SNAP91: variants seen among roughly 807,000 people sequenced by gnomAD.
SNAP91 encodes the protein clathrin coat assembly protein AP180.
SNAP91 carries 27 observed loss-of-function variants against 100.3 expected under a neutral mutation model. That is an observed-to-expected ratio of 0.27 (90% CI 0.20 to 0.37). SNAP91 has a LOEUF of 0.37. Among genes scored for constraint, SNAP91 ranks in the 10% least tolerant of loss-of-function variants. The probability of loss-of-function intolerance (pLI) is 1.00; values close to 1 mark genes in which losing one functional copy is unlikely to be tolerated. For synonymous variants in SNAP91, 404 were observed against 398.6 expected, an observed-to-expected ratio of 1.01 and a Z score of -0.16; for missense variants, 986 against 1,123.7, an observed-to-expected ratio of 0.88 and a Z score of 1.75.
chr6:83,559,161 A>G (rs1024849673), intron 28 of SNAP91, among the ~76,000 whole-genome samples: 7 of 152,190 alleles, frequency 4.6e-5, no homozygotes, highest in Non-Finnish European at 8.8e-5. Context: ...AAGGTGACTC[A>G]GAGTGGAGGC....
At chr6:83,587,325 C>T (rs1010014479) in intron 22 of SNAP91, among the ~76,000 whole-genome samples, 1 of 152,086 alleles carries the variant, frequency 6.6e-6, no homozygotes, top group Admixed American at 6.6e-5. Context: ...TTTGAACAGT[C>T]TAAACCTCCC....
rs57893971 is a variant in SNAP91 at position 83,628,222 on chromosome 6, C to CATATATATATATATATAT, written c.766-4898_766-4881dup. 8.0e-3 allele frequency among the ~76,000 whole-genome samples: 990 copies of CATATATATATATATATAT among 124,524 alleles called. 22 individuals are homozygous for CATATATATATATATATAT. The highest frequency in any genetic ancestry group is 0.019 in the African/African-American group (637 of 33,438). 81.7% of individuals were successfully genotyped at this position (124,524 alleles called of 152,430 possible). On this transcript the variant is annotated intron_variant, in intron 8 of 29. Coordinates refer to ENST00000369694, the MANE Select transcript of SNAP91 (RefSeq NM_001242792.2). Reference sequence around the variant, plus strand: ...TATAGCTAAGTAATATTCCATTTTACATATATATATATATATATATATATC... The same window carrying CATATATATATATATATAT: ...TATAGCTAAGTAATATTCCATTTTACATATATATATATATATATATATATATATATATATATATATATC...
intron 2 of SNAP91, among the ~76,000 whole-genome samples, chr6:83,680,814 C>T (rs918994985): frequency 3.9e-5 from 6 of 152,122 alleles, no homozygotes; most frequent in African/African-American, 7.2e-5. Context: ...CAATCAAAAG[C>T]ATGTCCAGAC....
intron 22 of SNAP91, among the ~76,000 whole-genome samples, chr6:83,584,982 T>C (rs770223610): frequency 2.3e-4 from 35 of 152,156 alleles, no homozygotes; most frequent in African/African-American, 2.4e-5. Flanking sequence ...ATGAAGTAAG[T>C]GCCCTCACAA....
At chr6:83,668,615 G>A (rs1236046201) in intron 2 of SNAP91, among the ~76,000 whole-genome samples, 1 of 152,076 alleles carries the variant, frequency 6.6e-6, no homozygotes, top group Non-Finnish European at 1.5e-5. Flanking sequence ...TCACTCATAG[G>A]TGGGAATTGA....
chr6:83,569,771 A>G (rs942126109), intron 26 of SNAP91, among the ~76,000 whole-genome samples: 4 of 152,040 alleles, frequency 2.6e-5, no homozygotes, highest in African/African-American at 9.7e-5. Context: ...ATGAGATCTG[A>G]TGGTTTTATA....
At chr6:83,559,941 C>A (rs115562514) in intron 28 of SNAP91, among the ~76,000 whole-genome samples, 163 bp downstream of exon 28, 2 of 152,132 alleles carry the variant, frequency 1.3e-5, no homozygotes, top group African/African-American at 2.4e-5. Context: ...TTTTTCCCCC[C>A]CAAATCTCAC....
At chr6:83,556,753 T>C (rs1307999932) in intron 28 of SNAP91, among the ~76,000 whole-genome samples, 2 of 152,254 alleles carry the variant, frequency 1.3e-5, no homozygotes, top group Non-Finnish European at 2.9e-5. Flanking sequence ...TCTATTTAAA[T>C]GGCTTTTCCT....
rs768200195 is a variant in SNAP91 at position 83,594,426 on chromosome 6, T to TGCC, written c.1379_1380insGGC (p.Ala460dup). 3 of 1,552,778 alleles carry TGCC rather than the reference T, an allele frequency of 1.9e-6. No individual in the cohort carries two copies. The Admixed American group carries it at 5.9e-5, about 30-fold the overall frequency. ...CTGCTACAGGGGTTGGGGTAGCTGG[T>TGCC]GCGGCGGCCCCTTCGGATGCTGCAG... On this transcript the variant is annotated inframe_insertion, in exon 17 of 30. Coordinates refer to ENST00000369694, the MANE Select transcript of SNAP91 (RefSeq NM_001242792.2).
intron 16 of SNAP91, among the ~76,000 whole-genome samples, chr6:83,595,684 T>A (rs949221065): frequency 6.6e-6 from 1 of 152,170 alleles, no homozygotes; most frequent in Non-Finnish European, 1.5e-5. Flanking sequence ...TATCTACTCA[T>A]GTTTCCTGGA....
At chr6:83,699,451 T>C (rs1414164270) in intron 2 of SNAP91, among the ~76,000 whole-genome samples, 2 of 151,834 alleles carry the variant, frequency 1.3e-5, no homozygotes, top group African/African-American at 2.4e-5. Context: ...AAACAGAGAA[T>C]TAATGAACTA....
At chr6:83,700,038 C>A (rs1562734585) in intron 2 of SNAP91, among the ~76,000 whole-genome samples, 1 of 152,066 alleles carries the variant, frequency 6.6e-6, no homozygotes, top group Non-Finnish European at 1.5e-5. Flanking sequence ...CTGCCTTCAT[C>A]AAATAATAAT....
chr6:83,677,693 G>C (rs1733091380), intron 2 of SNAP91, among the ~76,000 whole-genome samples: 1 of 152,106 alleles, frequency 6.6e-6, no homozygotes, highest in South Asian at 2.1e-4. Context: ...TTTTCTGTGA[G>C]GTAGAAATAA....
intron 23 of SNAP91, among the ~76,000 whole-genome samples, chr6:83,581,026 A>G (rs1179376254): frequency 6.6e-6 from 1 of 152,256 alleles, no homozygotes; most frequent in African/African-American, 2.4e-5. Flanking sequence ...TGCTTGCTTT[A>G]TACAGGCATT....
intron 22 of SNAP91, among the ~76,000 whole-genome samples, chr6:83,587,448 T>A (rs2092896639): frequency 6.6e-6 from 1 of 152,178 alleles, no homozygotes; most frequent in Non-Finnish European, 1.5e-5. Flanking sequence ...TCTCTTTGAT[T>A]CTGATCATAT....
At chr6:83,676,073 T>C (rs992426340) in intron 2 of SNAP91, among the ~76,000 whole-genome samples, 24 of 150,216 alleles carry the variant, frequency 1.6e-4, no homozygotes, top group Non-Finnish European at 2.8e-4. Flanking sequence ...ATTGCCTCAC[T>C]GCACTCCAAC....
At chr6:83,604,870 G>T (rs528472630) in intron 14 of SNAP91, among the ~76,000 whole-genome samples, 10 of 152,036 alleles carry the variant, frequency 6.6e-5, no homozygotes, top group African/African-American at 2.4e-4. Flanking sequence ...TTATCATCTT[G>T]CTGGTTTCCT....
intron 28 of SNAP91, among the ~76,000 whole-genome samples, 170 bp downstream of exon 28, chr6:83,559,934 T>A (rs1179035586): frequency 2.0e-5 from 3 of 152,230 alleles, no homozygotes; most frequent in South Asian, 2.1e-4. Context: ...CCATCACTTT[T>A]TCCCCCCCAA....
At chr6:83,602,920 G>A (rs1156886671) in intron 14 of SNAP91, among the ~76,000 whole-genome samples, 1 of 152,112 alleles carries the variant, frequency 6.6e-6, no homozygotes, top group Admixed American at 6.6e-5. Context: ...CTGGTTGATA[G>A]GTGCAGCAAA....
Sources: allele counts gnomAD v4.1 joint callset (sites outside exome capture counted in the v4.1 genomes callset), GRCh38; gene constraint gnomAD v4.1.1; transcripts MANE v1.5; gene names NCBI Gene and HGNC (gene_info 2026-07-23, HGNC 2026-07-21).